The following EPHB1 variants were observed in gnomAD, a reference collection of about 807,000 sequenced individuals.
The protein encoded by EPHB1 is EPH receptor B1.
In EPHB1, 30 loss-of-function variants were observed where a neutral mutation model predicts 94.4. That is an observed-to-expected ratio of 0.32 (90% CI 0.24 to 0.43). EPHB1 has a LOEUF of 0.43. Ranked by LOEUF, EPHB1 falls within the 20% of genes least tolerant of loss-of-function variation. The probability of loss-of-function intolerance (pLI) is 1.00; values close to 1 mark genes in which losing one functional copy is unlikely to be tolerated. For synonymous variants in EPHB1, 522 were observed against 489.1 expected (o/e 1.07, Z -0.89); for missense variants, 1,055 against 1,308.3 (o/e 0.81, Z 2.99).
At chr3:134,908,999 T>C in intron 1 of EPHB1, among the ~76,000 whole-genome samples, 1 of 151,402 alleles carries the variant, frequency 6.6e-6, no homozygotes, top group African/African-American at 2.4e-5. Context: ...AGGTAGGATG[T>C]GCCCACCAAG....
intron 1 of EPHB1, among the ~76,000 whole-genome samples, chr3:134,823,177 T>C (rs763256634): frequency 6.6e-6 from 1 of 152,160 alleles, no homozygotes; most frequent in Non-Finnish European, 1.5e-5. Context: ...ATTAAGTCAC[T>C]CAGAAGAAGG....
intron 1 of EPHB1, among the ~76,000 whole-genome samples, chr3:134,888,419 C>T (rs914332366): frequency 6.6e-6 from 1 of 152,110 alleles, no homozygotes; most frequent in Non-Finnish European, 1.5e-5. Flanking sequence ...AGAAACATGC[C>T]TTTTTCTGGG....
chr3:135,156,447 C>T (rs1033541837), intron 6 of EPHB1, among the ~76,000 whole-genome samples: 9 of 152,210 alleles, frequency 5.9e-5, no homozygotes, highest in Admixed American at 4.6e-4. Flanking sequence ...GCCCTCGTTT[C>T]CAGTGCCCTG....
chr3:134,905,288 T>C (rs1241183513), intron 1 of EPHB1, among the ~76,000 whole-genome samples: 1 of 152,240 alleles, frequency 6.6e-6, no homozygotes, highest in Non-Finnish European at 1.5e-5. Context: ...AGCCTCTCTC[T>C]GAAGCCGACA....
chr3:134,942,793 T>C (rs1231097109), intron 2 of EPHB1, among the ~76,000 whole-genome samples: 5 of 152,256 alleles, frequency 3.3e-5, no homozygotes, highest in African/African-American at 1.2e-4. Flanking sequence ...TCCAGTGTTG[T>C]GAAGCTAAAT....
At position 135,259,919 on chromosome 3, in the gene EPHB1, A is replaced by G. The variant is rs1252812156; in HGVS notation, c.*799A>G. On this transcript the variant is annotated 3_prime_UTR_variant, in exon 16 of 16. Coordinates refer to ENST00000398015, the MANE Select transcript of EPHB1 (RefSeq NM_004441.5). ...TAACAGATGCAAACAAGAAAGAAGA[A>G]CTGGGAAGTCTTTGTCCCTAGGAAA... The G allele has an allele frequency of 4.3e-6, 1 of 230,448 alleles. No homozygotes were observed. The highest frequency in any genetic ancestry group is 8.6e-6 in the Non-Finnish European group (1 of 116,026). 14.3% of individuals were successfully genotyped at this position (230,448 alleles called of 1,614,324 possible).
At chr3:135,056,445 A>T (rs1269007036) in intron 3 of EPHB1, among the ~76,000 whole-genome samples, 4 of 152,216 alleles carry the variant, frequency 2.6e-5, no homozygotes, top group African/African-American at 9.6e-5. Flanking sequence ...TAGAGCCTCT[A>T]AAAGGGCCTG....
In EPHB1 at chr3:135,092,301, A is replaced by C. The variant is rs1424600461; in HGVS notation, c.806-14147A>C. Among the ~76,000 whole-genome samples, 4 of 152,150 alleles carry C rather than the reference A, an allele frequency of 2.6e-5. No individual in the cohort carries two copies. The East Asian group carries it at 5.8e-4, about 22-fold the overall frequency. The stretch of plus-strand genomic sequence containing the variant: ...GACCTGGGGCTCTCAGAGTGACCAA[A>C]GTGATGGGACCCTCCCTTCTGTTGG... On this transcript the variant is annotated intron_variant, in intron 3 of 15. Coordinates refer to ENST00000398015, the MANE Select transcript of EPHB1 (RefSeq NM_004441.5).
intron 11 of EPHB1, among the ~76,000 whole-genome samples, chr3:135,197,455 C>T (rs1005747281): frequency 3.3e-5 from 5 of 152,168 alleles, no homozygotes; most frequent in African/African-American, 1.2e-4. Context: ...CTGGAGCAAA[C>T]CTGTTAACTC....
At chr3:135,045,948 G>A (rs1375053314) in intron 3 of EPHB1, among the ~76,000 whole-genome samples, 2 of 152,158 alleles carry the variant, frequency 1.3e-5, no homozygotes, top group Non-Finnish European at 2.9e-5. Context: ...AGCTATTACA[G>A]TTTGTTTCCG....
At chr3:135,052,955 A>G (rs185563151) in intron 3 of EPHB1, among the ~76,000 whole-genome samples, 32 of 110,574 alleles carry the variant, frequency 2.9e-4, no homozygotes, top group Non-Finnish European at 3.9e-4. Context: ...ATATATATAT[A>G]TGTGTGTATA....
chr3:134,804,911 C>T (rs1447649000), intron 1 of EPHB1, among the ~76,000 whole-genome samples: 2 of 152,244 alleles, frequency 1.3e-5, no homozygotes, highest in African/African-American at 4.8e-5. Context: ...GTGGAAAGGG[C>T]TGAGCAGGAG....
At chr3:135,239,937 CT>C (rs1943740229) in intron 12 of EPHB1, among the ~76,000 whole-genome samples, 1 of 152,138 alleles carries the variant, frequency 6.6e-6, no homozygotes, top group Admixed American at 6.6e-5. Flanking sequence ...TGATGAGAAA[CT>C]GAGGCACAGA....
At chr3:134,922,852 G>A (rs2038715519) in intron 1 of EPHB1, among the ~76,000 whole-genome samples, 1 of 152,200 alleles carries the variant, frequency 6.6e-6, no homozygotes. Flanking sequence ...GAAACTGTGT[G>A]ACTTGAGAGA....
intron 1 of EPHB1, among the ~76,000 whole-genome samples, chr3:134,894,697 T>C: frequency 6.6e-6 from 1 of 152,222 alleles, no homozygotes; most frequent in African/African-American, 2.4e-5. Context: ...CTCTCTGCTG[T>C]GCGCTTTTCA....
intron 8 of EPHB1, among the ~76,000 whole-genome samples, 175 bp downstream of exon 8, chr3:135,166,251 T>A (rs1941649324): frequency 6.6e-6 from 1 of 152,138 alleles, no homozygotes; most frequent in Non-Finnish European, 1.5e-5. Flanking sequence ...TGGGAAAAAA[T>A]TCATATGAGA....
intron 10 of EPHB1, 102 bp from the exon 11 acceptor site, chr3:135,192,474 A>G (rs1192238708): frequency 6.4e-6 from 9 of 1,405,434 alleles, no homozygotes; most frequent in Non-Finnish European, 8.7e-6. Flanking sequence ...CACTTTAATC[A>G]CAATTCCACT....
At chr3:135,096,765 G>A (rs189088241) in intron 3 of EPHB1, among the ~76,000 whole-genome samples, 14 of 152,246 alleles carry the variant, frequency 9.2e-5, no homozygotes, top group Admixed American at 2.0e-4. Context: ...CTCCACCCTC[G>A]TGACTTAATT....
At chr3:135,100,244 T>C (rs1386949404) in intron 3 of EPHB1, among the ~76,000 whole-genome samples, 1 of 152,182 alleles carries the variant, frequency 6.6e-6, no homozygotes, top group East Asian at 1.9e-4. Flanking sequence ...CCCACATTTA[T>C]GCTGCATAAA....
Sources: gnomAD v4.1 joint callset for allele counts (sites outside exome capture counted in the v4.1 genomes callset) on GRCh38, gnomAD v4.1.1 for gene constraint, MANE v1.5 for transcripts, NCBI Gene and HGNC (gene_info 2026-07-23, HGNC 2026-07-21) for gene names.